Variants in FER1L5 observed in about 807,000 individuals in gnomAD.
FER1L5 encodes the protein fer-1-like protein 5.
A neutral mutation model predicts 279.9 loss-of-function variants in FER1L5; 187 were observed. That is an observed-to-expected ratio of 0.67 (90% confidence interval 0.59 to 0.75). The LOEUF (loss-of-function observed/expected upper bound fraction) is 0.75. Among genes scored for constraint, FER1L5 ranks in the 30% least tolerant of loss-of-function variants. The pLI, the probability that FER1L5 is intolerant of heterozygous loss-of-function variation, is 0.00. For missense variants in FER1L5, 2,091 were observed against 2,594.4 expected (o/e 0.81, Z 4.21); for synonymous variants, 921 against 989.7 (o/e 0.93, Z 1.30).
rs2077239539 is a variant in FER1L5 at position 96,693,553 on chromosome 2, A to G, written c.3340A>G (p.Thr1114Ala). ...CCTGAACCACAGCCAGTGCACCCAA[A>G]CCCTGAGGAGCTCTGCAGGCCCCAC... The part of the protein sequence containing the change: ...VFLNHSQCTQ[T>A]LRSSAGPTWA... Residue 1114 changes from threonine (T) to alanine (A), a missense_variant, in exon 32 of 53, where the codon ACC becomes GCC. Coordinates refer to ENST00000624922, the MANE Select transcript of FER1L5 (RefSeq NM_001293083.2). 6.4e-7 allele frequency: 1 copy of G among 1,551,020 alleles called. No homozygotes were observed. The highest frequency in any genetic ancestry group is 1.4e-5 in the African/African-American group (1 of 72,870).
At chr2:96,678,901 T>C (rs2076609983) in intron 19 of FER1L5, among the ~76,000 whole-genome samples, 1 of 152,272 alleles carries the variant, frequency 6.6e-6, no homozygotes, top group South Asian at 2.1e-4. Context: ...TTGCAAATTG[T>C]CTGTGGCTTG....
In FER1L5 at chr2:96,673,190, C is replaced by T. The variant is rs761291554; in HGVS notation, c.1605C>T (p.Asn535=). 5.8e-6 allele frequency: 9 copies of T among 1,551,438 alleles called. No homozygotes were observed. Among genetic ancestry groups the T allele is most frequent in the Admixed American group, 2.0e-5 (1 of 50,968 alleles). ...HFEVSIGHYG[N]KMDLNYKPLV... ...AGGTCAGCATCGGTCACTATGGGAACAAGATGGACCTGAATTACAAGCCTC... is the reference window on the plus strand; with the variant it reads ...AGGTCAGCATCGGTCACTATGGGAATAAGATGGACCTGAATTACAAGCCTC... The change falls in exon 19 of 53, where the codon AAC becomes AAT. Residue 535 remains asparagine (N), a synonymous_variant. Transcript: ENST00000624922.
rs982490251 is a variant in FER1L5 at position 96,693,735 on chromosome 2, G to C, written c.3474+48G>C. On this transcript the variant is annotated intron_variant, in intron 32 of 52. Coordinates refer to ENST00000624922, the MANE Select transcript of FER1L5 (RefSeq NM_001293083.2). ...AGGGGAAGAGGACCTACCTCACAGA[G>C]TGGCTGAGGGGATTTATTTTAGATG... The C allele has an allele frequency of 2.0e-6, 3 of 1,522,774 alleles. No homozygotes were observed. In the African/African-American group the frequency reaches 4.2e-5, roughly 21 times the overall value. 94.3% of individuals were successfully genotyped at this position (1,522,774 alleles called of 1,614,324 possible).
chr2:96,655,766 G>C (rs1573799047), intron 9 of FER1L5, among the ~76,000 whole-genome samples: 1 of 152,262 alleles, frequency 6.6e-6, no homozygotes, highest in African/African-American at 2.4e-5. Context: ...CTGGATTGCA[G>C]TGGTGCAATC....
intron 20 of FER1L5, 47 bp from the exon 21 acceptor site, chr2:96,685,282 C>T: frequency 6.6e-7 from 1 of 1,508,896 alleles, no homozygotes; most frequent in Non-Finnish European, 9.0e-7. Flanking sequence ...TCCAGCTGGG[C>T]TCCATGCTGA....
chr2:96,699,564 C>T lies in FER1L5; in HGVS notation c.4625C>T (p.Thr1542Ile). ...DPIFGMMFELTCNIPLEKDLE... is the reference protein window; with the variant it reads ...DPIFGMMFELICNIPLEKDLE... ...CTCACCCCTAGGATGTTTGAACTCA[C>T]CTGCAACATACCCCTGGAGAAGGAC... is the stretch of plus-strand genomic sequence containing the variant. Residue 1542 changes from threonine to isoleucine, a missense_variant, in exon 43 of 53, where the codon ACC becomes ATC. By Grantham distance (89) the Thr-to-Ile change is moderately conservative. Coordinates refer to ENST00000624922, the MANE Select transcript of FER1L5 (RefSeq NM_001293083.2). 2.5e-6 allele frequency: 4 copies of T among 1,613,800 alleles called. No homozygotes were observed. The South Asian group carries it at 4.4e-5, about 18-fold the overall frequency.
chr2:96,664,956 C>A (rs550631459), intron 14 of FER1L5, among the ~76,000 whole-genome samples: 4 of 152,160 alleles, frequency 2.6e-5, no homozygotes, highest in African/African-American at 9.7e-5. Context: ...TCTGCAGTAC[C>A]GGGCTACTTG....
At position 96,669,994 on chromosome 2, in the gene FER1L5, G is replaced by A. The variant is rs2076265315; in HGVS notation, c.1363-125G>A. ...TTCTGGAATTCTTCTCCGGGATTGT[G>A]GTTGCAGTAAGCCCCGGGCAGGCAG... On this transcript the variant is annotated intron_variant, in intron 17 of 52. Transcript: ENST00000624922. 6 of 1,275,706 alleles carry A rather than the reference G, an allele frequency of 4.7e-6. No individual in the cohort carries two copies. The Admixed American group carries it at 1.4e-4, about 29-fold the overall frequency. The allele number at this position is 1,275,706 out of a possible 1,614,324, so 79.0% of individuals were successfully genotyped here.
intron 17 of FER1L5, among the ~76,000 whole-genome samples, chr2:96,669,430 G>T (rs950421552): frequency 6.6e-6 from 1 of 152,180 alleles, no homozygotes; most frequent in African/African-American, 2.4e-5. Flanking sequence ...CACAGCACAG[G>T]CAAGTGTGAG....
At chr2:96,670,931 C>T (rs1453299744) in intron 18 of FER1L5, among the ~76,000 whole-genome samples, 3 of 151,280 alleles carry the variant, frequency 2.0e-5, no homozygotes, top group African/African-American at 7.3e-5. Flanking sequence ...ATGGCGAAAC[C>T]TCATCTCTAC....
At chr2:96,659,349 C>CTTTT (rs1558853362) in intron 9 of FER1L5, among the ~76,000 whole-genome samples, 2 of 79,236 alleles carry the variant, frequency 2.5e-5, no homozygotes, top group Non-Finnish European at 4.8e-5. Context: ...TTCCTTCCTT[C>CTTTT]CTTCCTTCCT....
chr2:96,651,244 T>TTTCTTTCTTTCTTTC, intron 6 of FER1L5, among the ~76,000 whole-genome samples: 1 of 62,566 alleles, frequency 1.6e-5, no homozygotes, highest in South Asian at 4.2e-4. Flanking sequence ...TTTCTCTTTC[T>TTTCTTTCTTTCTTTC]TTCTTTCTTT....
At chr2:96,664,127 GAAAAA>G (rs774733902) in intron 14 of FER1L5, among the ~76,000 whole-genome samples, 1 of 137,574 alleles carries the variant, frequency 7.3e-6, no homozygotes, top group African/African-American at 2.7e-5. Flanking sequence ...AAATATAAAA[GAAAAA>G]AGAAAAGAGA....
chr2:96,663,174 T>C (rs1029924129), intron 13 of FER1L5, among the ~76,000 whole-genome samples: 2 of 152,234 alleles, frequency 1.3e-5, no homozygotes, highest in African/African-American at 4.8e-5. Context: ...AGTAGCCTTA[T>C]ATCTATTTAA....
rs1413246050 is a variant in FER1L5, at chr2:96,647,059, C to A, written c.139-5C>A. The stretch of plus-strand genomic sequence containing the variant: ...AGGATGCTGACCTCTCTATGCCCCC[C>A]ACAGACCCTAATCTGGCACCTCTGG... On this transcript the variant is annotated splice_polypyrimidine_tract_variant and splice_region_variant and intron_variant, in intron 2 of 52. Coordinates refer to ENST00000624922, the MANE Select transcript of FER1L5 (RefSeq NM_001293083.2). The A allele has an allele frequency of 1.3e-6, 2 of 1,551,444 alleles. No individual in the cohort carries two copies. The highest frequency in any genetic ancestry group is 1.2e-5 in the South Asian group (1 of 84,060).
chr2:96,688,096 A>G (rs1024498308), intron 24 of FER1L5, 149 bp downstream of exon 24: 3 of 1,111,230 alleles, frequency 2.7e-6, no homozygotes, highest in Non-Finnish European at 2.5e-6. Context: ...AGAGGAAGAA[A>G]AAATTCCTGA....
chr2:96,702,060 T>C lies in FER1L5; in HGVS notation c.5159+17T>C. 1 of 1,613,494 alleles carries C rather than the reference T, an allele frequency of 6.2e-7. No individual in the cohort carries two copies. The highest frequency in any genetic ancestry group is 8.5e-7 in the Non-Finnish European group (1 of 1,179,494). On this transcript the variant is annotated intron_variant, in intron 46 of 52. Coordinates refer to ENST00000624922, the MANE Select transcript of FER1L5 (RefSeq NM_001293083.2). The surrounding 1 kb of genome is among the most constrained non-coding windows in gnomAD (Gnocchi z 4.0). ...GCCTAAACGGTGAGTGACAGCCCAC[T>C]TCCCAACTGCTGCATTTCACAGTTC... is the stretch of plus-strand genomic sequence containing the variant.
chr2:96,671,067 A>G (rs1037633187), intron 18 of FER1L5, among the ~76,000 whole-genome samples: 3 of 129,676 alleles, frequency 2.3e-5, no homozygotes, highest in Non-Finnish European at 4.6e-5. Flanking sequence ...GGATCATGCC[A>G]CTGCACTCCA....
rs372167177 is a variant in FER1L5, at chr2:96,700,013, G to C, written c.4863G>C (p.Pro1621=). 2.5e-6 allele frequency: 4 copies of C among 1,613,966 alleles called. No individual in the cohort carries two copies. The highest frequency in any genetic ancestry group is 3.4e-6 in the Non-Finnish European group (4 of 1,179,890). ...ATGCCAAGCGGAAAGGGCTACCTCC[G>C]CCTCTGTTCAGTCCTGAGGAAGATG... ...ERYAKRKGLP[P]PLFSPEEDAV... Residue 1621 remains proline (P), a synonymous_variant, in exon 44 of 53, where the codon CCG becomes CCC. Transcript: ENST00000624922.
Sources: allele counts gnomAD v4.1 joint callset (sites outside exome capture counted in the v4.1 genomes callset), GRCh38; gene constraint gnomAD v4.1.1; non-coding constraint Gnocchi (gnomAD v3.1); transcripts MANE v1.5; gene names NCBI Gene and HGNC (gene_info 2026-07-23, HGNC 2026-07-21).